Variants in MGAT4C observed in about 807,000 individuals in gnomAD.
MGAT4C encodes MGAT4 family member C, also known as alpha-1,3-mannosyl-glycoprotein 4-beta-N-acetylglucosaminyltransferase C.
MGAT4C carries 19 observed loss-of-function variants against 40.1 expected under a neutral mutation model. The ratio of observed to expected loss-of-function variants is 0.47; its 90% CI spans 0.33 to 0.70. The LOEUF (loss-of-function observed/expected upper bound fraction) is 0.70. MGAT4C is among the 30% of genes least tolerant of loss of function. MGAT4C has a pLI of 0.02. For synonymous variants in MGAT4C, 181 were observed against 187.1 expected (o/e 0.97, Z 0.27); for missense variants, 491 against 563.2 (o/e 0.87, Z 1.30).
chr12:86,798,189 A>G (rs531300926), intron 1 of MGAT4C, among the ~76,000 whole-genome samples: 1 of 152,070 alleles, frequency 6.6e-6, no homozygotes, highest in African/African-American at 2.4e-5. Flanking sequence ...CCATGAAACC[A>G]GCCTTGTTCA....
At chr12:86,794,778 AT>A (rs1053597807) in intron 1 of MGAT4C, among the ~76,000 whole-genome samples, 6 of 151,778 alleles carry the variant, frequency 4.0e-5, no homozygotes, top group African/African-American at 9.7e-5. Context: ...ACAGAAATCA[AT>A]TTTTTTGTTT....
chr12:86,405,547 C>T (rs1222176027), intron 3 of MGAT4C, among the ~76,000 whole-genome samples: 1 of 151,938 alleles, frequency 6.6e-6, no homozygotes, highest in Non-Finnish European at 1.5e-5. Context: ...GTAAAGATTT[C>T]AACTCTCTCA....
chr12:86,537,915 C>T (rs940380612), intron 2 of MGAT4C, among the ~76,000 whole-genome samples: 2 of 151,920 alleles, frequency 1.3e-5, no homozygotes, highest in Non-Finnish European at 2.9e-5. Context: ...GGCAAAACCC[C>T]GTCTCTACTA....
chr12:86,097,497 T>C (rs1874154081), intron 1 of MGAT4C, among the ~76,000 whole-genome samples: 1 of 151,592 alleles, frequency 6.6e-6, no homozygotes, highest in Non-Finnish European at 1.5e-5. Flanking sequence ...TTTAGTTTGC[T>C]TAATATAAAT....
chr12:86,742,916 CATA>C (rs548371582), intron 1 of MGAT4C, among the ~76,000 whole-genome samples: 10 of 151,576 alleles, frequency 6.6e-5, no homozygotes, highest in Non-Finnish European at 1.0e-4. Flanking sequence ...CATACATTTG[CATA>C]ATATTTCAAA....
chr12:86,701,413 T>C (rs541049636), intron 2 of MGAT4C, among the ~76,000 whole-genome samples: 101 of 152,280 alleles, frequency 6.6e-4, no homozygotes, highest in African/African-American at 2.2e-3. Context: ...CAATGATCTT[T>C]GATCTTCGAT....
Position 86,309,399 on chromosome 12 carries a change from C to T in MGAT4C, c.-57+24666G>A, listed in dbSNP as rs192253707. 1.4e-4 allele frequency among the ~76,000 whole-genome samples: 22 copies of T among 152,282 alleles called. No individual in the cohort carries two copies. The East Asian group carries it at 3.5e-3, about 24-fold the overall frequency. On this transcript the variant is annotated intron_variant, in intron 4 of 7. Coordinates refer to the MGAT4C transcript ENST00000548651. ...AAGTTTATTTTTCATAGTCTGGAGA[C>T]TGTGCAGTCCACTATCAAAGTGCAG...
intron 1 of MGAT4C, among the ~76,000 whole-genome samples, chr12:86,096,426 T>C (rs1592926676): frequency 7.0e-6 from 1 of 143,580 alleles, no homozygotes. Flanking sequence ...TCCCCTTCCC[T>C]TCCTTTTTTT....
intron 1 of MGAT4C, among the ~76,000 whole-genome samples, chr12:86,782,239 T>C (rs995866131): frequency 3.1e-5 from 4 of 127,904 alleles, no homozygotes. Flanking sequence ...TGGAGTGCAG[T>C]GGCGGGATCT....
chr12:86,804,712 C>A (rs1314361514), intron 1 of MGAT4C, among the ~76,000 whole-genome samples: 1 of 151,904 alleles, frequency 6.6e-6, no homozygotes, highest in Non-Finnish European at 1.5e-5. Flanking sequence ...AGTGACAGAT[C>A]CCTAAATTAT....
intron 1 of MGAT4C, among the ~76,000 whole-genome samples, chr12:86,774,333 T>TTCTTTCTTTCTTTCTTTCTTTTCTTTCTC (rs1235833661): frequency 9.2e-6 from 1 of 108,530 alleles, no homozygotes; most frequent in Non-Finnish European, 1.9e-5. Flanking sequence ...CTTTCTTTCT[T>TTCTTTCTTTCTTTCTTTCTTTTCTTTCTC]TCTTTCTGTC....
At chr12:86,326,875 T>A (rs192296913) in intron 4 of MGAT4C, among the ~76,000 whole-genome samples, 1 of 152,048 alleles carries the variant, frequency 6.6e-6, no homozygotes, top group Non-Finnish European at 1.5e-5. Context: ...TAAACAATAA[T>A]AACAAAAATA....
chr12:86,234,462 T>G (rs1425088564), intron 1 of MGAT4C, among the ~76,000 whole-genome samples: 1 of 152,172 alleles, frequency 6.6e-6, no homozygotes, highest in Non-Finnish European at 1.5e-5. Flanking sequence ...CCATCAAGTA[T>G]GAATCTCTGT....
intron 2 of MGAT4C, among the ~76,000 whole-genome samples, chr12:86,454,034 T>C (rs966128337): frequency 1.3e-5 from 2 of 152,096 alleles, no homozygotes; most frequent in African/African-American, 4.8e-5. Context: ...ATGACTTATA[T>C]GATGATGTTT....
At chr12:86,663,294 A>G (rs912834644) in intron 2 of MGAT4C, among the ~76,000 whole-genome samples, 1 of 144,654 alleles carries the variant, frequency 6.9e-6, no homozygotes, top group African/African-American at 2.6e-5. Flanking sequence ...CTGGAGTTAC[A>G]GGCTGCAGTG....
At chr12:86,665,785 A>G (rs1348974633) in intron 2 of MGAT4C, among the ~76,000 whole-genome samples, 2 of 152,176 alleles carry the variant, frequency 1.3e-5, no homozygotes, top group African/African-American at 4.8e-5. Flanking sequence ...TAAGAGTGTC[A>G]AAAAGAGTAA....
intron 2 of MGAT4C, among the ~76,000 whole-genome samples, chr12:86,533,600 ATTAT>A (rs1201709274): frequency 1.3e-5 from 2 of 151,728 alleles, no homozygotes; most frequent in East Asian, 1.9e-4. Context: ...TTAAATTATA[ATTAT>A]TTATACACAC....
At chr12:86,821,662 G>A (rs1041011576) in intron 1 of MGAT4C, among the ~76,000 whole-genome samples, 2 of 150,676 alleles carry the variant, frequency 1.3e-5, no homozygotes, top group Admixed American at 6.7e-5. Flanking sequence ...TTTTTCAAGT[G>A]CACCAGGGAG....
At chr12:86,278,683 A>G (rs1231598421) in intron 4 of MGAT4C, among the ~76,000 whole-genome samples, 3 of 151,690 alleles carry the variant, frequency 2.0e-5, no homozygotes, top group Non-Finnish European at 4.4e-5. Context: ...AATTTGATGC[A>G]ATTTTTTTCT....
Sources: allele counts gnomAD v4.1 joint callset (sites outside exome capture counted in the v4.1 genomes callset), GRCh38; gene constraint gnomAD v4.1.1; transcripts MANE v1.5; gene names NCBI Gene and HGNC (gene_info 2026-07-23, HGNC 2026-07-21).